The following USP54 variants were observed in gnomAD, a reference collection of about 807,000 sequenced individuals.
USP54 encodes the protein ubiquitin carboxyl-terminal hydrolase 54.
In USP54, 87 loss-of-function variants were observed where a neutral mutation model predicts 170.5. The observed-to-expected ratio is 0.51, with a 90% confidence interval of 0.43 to 0.61. USP54 has a LOEUF of 0.61. Ranked by LOEUF, USP54 falls within the 20% of genes least tolerant of loss-of-function variation. USP54 has a pLI of 0.00. For synonymous variants in USP54, 655 were observed against 742.8 expected (o/e 0.88, Z 1.92); for missense variants, 1,786 against 2,047.8 (o/e 0.87, Z 2.47).
chr10:73,610,738 A>G (rs1276106543), intron 1 of USP54, among the ~76,000 whole-genome samples: 1 of 152,168 alleles, frequency 6.6e-6, no homozygotes, highest in African/African-American at 2.4e-5. Context: ...ACAAAAATGT[A>G]TTTTGCAAGA....
chr10:73,549,661 A>G (rs1159819997), intron 4 of USP54, among the ~76,000 whole-genome samples: 1 of 151,980 alleles, frequency 6.6e-6, no homozygotes, highest in Non-Finnish European at 1.5e-5. Context: ...TAGACCCTAC[A>G]CTGTTCACCA....
At chr10:73,570,252 G>C (rs2074870355) in intron 4 of USP54, among the ~76,000 whole-genome samples, 1 of 151,914 alleles carries the variant, frequency 6.6e-6, no homozygotes, top group Non-Finnish European at 1.5e-5. Context: ...GAAAGCAACA[G>C]AATTGGCCCT....
At chr10:73,517,782 C>T in intron 19 of USP54, 35 bp from the exon 20 acceptor site, 1 of 1,569,138 alleles carries the variant, frequency 6.4e-7, no homozygotes, top group Non-Finnish European at 8.6e-7. Context: ...CATAAGCTGC[C>T]TTGACTGACA....
rs1367291344 is a variant in USP54 at position 73,609,954 on chromosome 10, G to A, written c.-18+15613C>T. Reference sequence around the variant, plus strand: ...AAACCTGGGAGGCGGAGGTTGCAGTGAGCCAAAATCACGCCACTGCACTCC... The same window carrying A: ...AAACCTGGGAGGCGGAGGTTGCAGTAAGCCAAAATCACGCCACTGCACTCC... On this transcript the variant is annotated intron_variant, in intron 1 of 22. Transcript: ENST00000339859. 3.3e-5 allele frequency among the ~76,000 whole-genome samples: 5 copies of A among 151,374 alleles called. No homozygotes were observed. In the East Asian group the frequency reaches 9.8e-4, roughly 30 times the overall value.
intron 1 of USP54, among the ~76,000 whole-genome samples, chr10:73,619,725 A>G (rs558517162): frequency 6.6e-6 from 1 of 150,656 alleles, no homozygotes; most frequent in Non-Finnish European, 1.5e-5. Flanking sequence ...ACAGTAATAT[A>G]GCAAACCAAA....
chr10:73,521,324 G>A lies in USP54; in HGVS notation c.2363-297C>T, dbSNP rs552318210. 2.3e-4 allele frequency among the ~76,000 whole-genome samples: 35 copies of A among 152,288 alleles called. No individual in the cohort carries two copies. In the South Asian group the frequency reaches 5.8e-3, roughly 25 times the overall value. ...CTCCAGTGGTGCAATCGGTTAGCGC[G>A]CGGTACTTATATGACAGTGCGAGCG... On this transcript the variant is annotated intron_variant, in intron 17 of 23. Coordinates refer to ENST00000687698, the MANE Select transcript of USP54 (RefSeq NM_001391956.1).
chr10:73,619,580 G>T (rs191469010), intron 1 of USP54, among the ~76,000 whole-genome samples: 4 of 149,752 alleles, frequency 2.7e-5, no homozygotes, highest in Admixed American at 2.6e-4. Flanking sequence ...AGGGAGAACT[G>T]CTGGGATTAT....
chr10:73,608,500 T>C (rs1311411747), intron 1 of USP54, among the ~76,000 whole-genome samples: 1 of 152,330 alleles, frequency 6.6e-6, no homozygotes, highest in Admixed American at 6.5e-5. Context: ...TATAACATTA[T>C]GGCTACTGTG....
At chr10:73,623,759 G>A (rs894067651) in intron 1 of USP54, among the ~76,000 whole-genome samples, 1 of 152,148 alleles carries the variant, frequency 6.6e-6, no homozygotes, top group East Asian at 1.9e-4. Flanking sequence ...TTATTACATT[G>A]TAAGTATTTT....
At chr10:73,523,092 A>G (rs1724076) in intron 17 of USP54, among the ~76,000 whole-genome samples, 3 of 152,210 alleles carry the variant, frequency 2.0e-5, no homozygotes, top group African/African-American at 7.2e-5. Flanking sequence ...TTGTGGAAGT[A>G]AAGTCCATGC....
upstream of USP54, among the ~76,000 whole-genome samples, chr10:73,593,761 T>C (rs1482335732): frequency 6.6e-6 from 1 of 152,116 alleles, no homozygotes; most frequent in Non-Finnish European, 1.5e-5. Flanking sequence ...GGGAGGGTAA[T>C]GGAAAAGCAC....
intron 20 of USP54, among the ~76,000 whole-genome samples, chr10:73,509,105 CA>C (rs34441562): frequency 0.063 from 2,998 of 47,308 alleles, 52 homozygotes; most frequent in African/African-American, 0.18. Flanking sequence ...ATCATACTGG[CA>C]AAAAAAAAAA....
chr10:73,573,038 C>G (rs930020831), intron 3 of USP54, among the ~76,000 whole-genome samples: 2 of 152,030 alleles, frequency 1.3e-5, no homozygotes, highest in African/African-American at 4.8e-5. Flanking sequence ...AATCCCAGCA[C>G]TTTGGGAGGA....
rs551291940 is a variant in USP54 at position 73,511,867 on chromosome 10, C to T, written c.4051+4508G>A. Reference sequence around the variant, plus strand: ...AAGCAATTCTCCTGCCTCAGCCTCCCGAGTAGCTGGGATTACAGGCACGTG... The same window carrying T: ...AAGCAATTCTCCTGCCTCAGCCTCCTGAGTAGCTGGGATTACAGGCACGTG... On this transcript the variant is annotated intron_variant, in intron 20 of 23. Transcript: ENST00000687698. Among the ~76,000 whole-genome samples the T allele has an allele frequency of 1.8e-4, 27 of 150,946 alleles. No individual in the cohort carries two copies. The South Asian group carries it at 5.3e-3, about 29-fold the overall frequency.
intron 1 of USP54, among the ~76,000 whole-genome samples, chr10:73,602,214 T>C (rs1589380836): frequency 6.6e-6 from 1 of 152,314 alleles, no homozygotes; most frequent in Non-Finnish European, 1.5e-5. Context: ...TGGTAAAGTA[T>C]ACAGTAATCC....
intron 1 of USP54, among the ~76,000 whole-genome samples, chr10:73,585,071 A>T (rs542737163): frequency 2.0e-5 from 3 of 152,334 alleles, no homozygotes; most frequent in African/African-American, 7.2e-5. Context: ...TTTGGCTGGA[A>T]AAGAACAATG....
At chr10:73,506,790 A>G (rs2059204889) in intron 20 of USP54, 2 of 152,058 alleles carry the variant, frequency 1.3e-5, no homozygotes, top group South Asian at 4.1e-4. Context: ...TTATTGGGGG[A>G]AATGGGAAAT....
intron 4 of USP54, among the ~76,000 whole-genome samples, chr10:73,561,090 G>T (rs1414472155): frequency 7.8e-6 from 1 of 127,670 alleles, no homozygotes; most frequent in Non-Finnish European, 1.6e-5. Flanking sequence ...GGGCGACACA[G>T]CGAGACTCCA....
At chr10:73,573,958 A>G (rs1292609811) in intron 3 of USP54, among the ~76,000 whole-genome samples, 1 of 152,214 alleles carries the variant, frequency 6.6e-6, no homozygotes, top group Non-Finnish European at 1.5e-5. Flanking sequence ...TCTTTATACT[A>G]AATATCTTGT....
Sources: allele counts gnomAD v4.1 joint callset (sites outside exome capture counted in the v4.1 genomes callset), GRCh38; gene constraint gnomAD v4.1.1; transcripts MANE v1.5; gene names NCBI Gene and HGNC (gene_info 2026-07-23, HGNC 2026-07-21).